The following MAST4 variants were observed in gnomAD, a reference collection of about 807,000 sequenced individuals.
MAST4 encodes the protein microtubule-associated serine/threonine-protein kinase 4.
A neutral mutation model predicts 162.7 loss-of-function variants in MAST4; 89 were observed. The observed-to-expected ratio is 0.55, with a 90% confidence interval of 0.46 to 0.65. The LOEUF is 0.65. Among genes scored for constraint, MAST4 ranks in the 30% least tolerant of loss-of-function variants. MAST4 has a pLI of 0.00. For synonymous variants in MAST4, 1,479 were observed against 1,361.1 expected (o/e 1.09, Z -1.91); for missense variants, 3,153 against 3,374.0 (o/e 0.93, Z 1.62).
chr5:67,024,227 C>G (rs1322119950), intron 4 of MAST4, among the ~76,000 whole-genome samples: 2 of 151,204 alleles, frequency 1.3e-5, no homozygotes, highest in African/African-American at 4.9e-5. Flanking sequence ...TGTAGAATGT[C>G]TTGGAATTTT....
Position 66,759,764 on chromosome 5 carries a change from A to G in MAST4, c.419A>G (p.Asp140Gly). Reference protein sequence around the residue: ...PMPFRKCSNPDVASGPGKSLK... With the variant: ...PMPFRKCSNPGVASGPGKSLK... ...CCGTTTCGGAAATGCAGCAACCCAG[A>G]TGTGGCTTCTGGCCCTGGAAAATCA... Residue 140 changes from aspartate (D) to glycine (G), a missense_variant, in exon 2 of 29, where the codon GAT (aspartate) becomes GGT (glycine). By Grantham distance (94) the Asp-to-Gly change is moderately conservative. Coordinates refer to ENST00000403625, the MANE Select transcript of MAST4 (RefSeq NM_001164664.2). 3 of 1,613,982 alleles carry G rather than the reference A, an allele frequency of 1.9e-6. No individual in the cohort carries two copies. Among genetic ancestry groups the G allele is most frequent in the Non-Finnish European group, 2.5e-6 (3 of 1,179,888 alleles).
intron 14 of MAST4, among the ~76,000 whole-genome samples, chr5:67,128,686 A>T (rs1207150250): frequency 1.3e-5 from 2 of 152,192 alleles, no homozygotes; most frequent in Non-Finnish European, 2.9e-5. Context: ...TATTTCAGTG[A>T]ATCACCCTGA....
intron 1 of MAST4, among the ~76,000 whole-genome samples, chr5:66,658,088 C>T (rs4364347): frequency 0.5 from 75,971 of 151,990 alleles, 19,378 homozygotes; most frequent in South Asian, 0.66. Context: ...CTGGTGCTGC[C>T]ACTTCAGGAC....
intron 4 of MAST4, chr5:66,917,371 G>A (rs112945129): frequency 5.1e-6 from 1 of 195,290 alleles, no homozygotes; most frequent in Non-Finnish European, 1.0e-5. Flanking sequence ...TGTCTTTGCA[G>A]TTTTTATCTG....
chr5:66,598,929 C>T lies in MAST4; in HGVS notation c.363+1911C>T, dbSNP rs552535098. 1.1e-4 allele frequency among the ~76,000 whole-genome samples: 16 copies of T among 152,280 alleles called. 1 individual carries two copies. The highest frequency in any genetic ancestry group is 9.8e-4 in the Admixed American group (15 of 15,304). On this transcript the variant is annotated intron_variant, in intron 1 of 28. Coordinates refer to ENST00000403625, the MANE Select transcript of MAST4 (RefSeq NM_001164664.2). ...ATGATAACTTATTTCACAGGCAATG[C>T]AGTGAGAACTGGTTGATTGAAACAC...
At chr5:66,718,164 G>GT (rs141339021) in intron 1 of MAST4, among the ~76,000 whole-genome samples, 10 of 147,236 alleles carry the variant, frequency 6.8e-5, no homozygotes, top group African/African-American at 7.6e-5. Context: ...AAACCAGTGG[G>GT]TTTTTTTTTC....
chr5:66,690,229 T>C (rs1748951890), intron 1 of MAST4, among the ~76,000 whole-genome samples: 2 of 152,160 alleles, frequency 1.3e-5, no homozygotes, highest in Non-Finnish European at 1.5e-5. Context: ...AATTGTTAAT[T>C]TGAGGGTCAA....
rs368650313 is a variant in MAST4, at chr5:67,165,705, C to G, written c.6526C>G (p.Pro2176Ala). 22 of 1,578,050 alleles carry G rather than the reference C, an allele frequency of 1.4e-5. No individual in the cohort carries two copies. The highest frequency in any genetic ancestry group is 1.8e-5 in the Non-Finnish European group (21 of 1,163,126). Residue 2176 changes from proline (P) to alanine (A), a missense_variant, in exon 29 of 29, where the codon CCC becomes GCC. Pro to Ala is a conservative substitution (Grantham distance 27). This residue lies in a region of MAST4 where 1,644 missense variants were observed against 1,495.0 expected (regional missense o/e 1.10). Transcript: ENST00000403625. ...KPSTAEPSSS[P>A]QDPPKPVAAH... ...CAGCACTGCAGAGCCCAGCTCGAGC[C>G]CCCAGGACCCTCCCAAGCCTGTTGC...
In MAST4 at chr5:67,165,344, CAG is replaced by C; in HGVS notation, c.6169_6170del (p.Asp2057GlnfsTer12). The C allele has an allele frequency of 4.3e-6, 7 of 1,613,720 alleles. No individual in the cohort carries two copies. The highest frequency in any genetic ancestry group is 5.9e-6 in the Non-Finnish European group (7 of 1,179,898). On this transcript the variant is annotated frameshift_variant, in exon 29 of 29. Coordinates refer to ENST00000403625, the MANE Select transcript of MAST4 (RefSeq NM_001164664.2). LOFTEE classifies it low-confidence loss of function (END_TRUNC). The part of the protein sequence containing the change: ...DGPGEARPPP[R>X]DNSSLHSAGI... ...GCCCAGGTGAGGCGAGGCCCCCGCC[CAG>C]AGACAACTCCTCTCTGCACTCAGCT...
At chr5:67,071,638 T>C (rs1761008789) in intron 5 of MAST4, among the ~76,000 whole-genome samples, 1 of 152,186 alleles carries the variant, frequency 6.6e-6, no homozygotes, top group African/African-American at 2.4e-5. Flanking sequence ...CATACACCTG[T>C]AGTCCCAGCT....
chr5:66,934,711 T>C (rs1742538340), intron 4 of MAST4, among the ~76,000 whole-genome samples: 1 of 152,138 alleles, frequency 6.6e-6, no homozygotes, highest in African/African-American at 2.4e-5. Flanking sequence ...TGGCTTTGGC[T>C]GTCTCTTTTT....
intron 1 of MAST4, among the ~76,000 whole-genome samples, chr5:66,710,308 T>A (rs1750413239): frequency 6.6e-6 from 1 of 152,250 alleles, no homozygotes; most frequent in African/African-American, 2.4e-5. Flanking sequence ...AGTGTCTGTT[T>A]TATAATATAT....
At chr5:66,903,939 T>C (rs1561430758) in intron 4 of MAST4, among the ~76,000 whole-genome samples, 1 of 152,222 alleles carries the variant, frequency 6.6e-6, no homozygotes, top group Non-Finnish European at 1.5e-5. Flanking sequence ...CAAGTGGTGA[T>C]GCCATGGCTG....
At chr5:67,162,972 T>TG (rs989906208) in intron 28 of MAST4, among the ~76,000 whole-genome samples, 175 bp from the exon 29 acceptor site, 5 of 152,182 alleles carry the variant, frequency 3.3e-5, no homozygotes, top group African/African-American at 1.2e-4. Flanking sequence ...TCAAGAAGTA[T>TG]GGGGCTAAAC....
chr5:66,845,092 TATATATATATA>T (rs1758728326), intron 3 of MAST4, among the ~76,000 whole-genome samples: 2 of 66,130 alleles, frequency 3.0e-5, no homozygotes, highest in Admixed American at 1.5e-4. Flanking sequence ...TCTTTATATA[TATATATATATA>T]TATATATATA....
intron 4 of MAST4, among the ~76,000 whole-genome samples, chr5:66,923,096 A>G (rs1421170377): frequency 2.6e-5 from 4 of 152,238 alleles, no homozygotes; most frequent in Admixed American, 2.0e-4. Flanking sequence ...AGCCTGAACA[A>G]TAAAATCTGA....
At chr5:66,815,542 G>A (rs973051339) in intron 3 of MAST4, among the ~76,000 whole-genome samples, 7 of 152,180 alleles carry the variant, frequency 4.6e-5, no homozygotes, top group African/African-American at 1.7e-4. Flanking sequence ...CATTCACCAG[G>A]CATCCTGGAA....
At chr5:66,788,607 C>CCCAACAAAAAAAAAAAAAAA in intron 2 of MAST4, 63 bp from the exon 3 acceptor site, 5 of 1,373,724 alleles carry the variant, frequency 3.6e-6, no homozygotes, top group Non-Finnish European at 5.1e-6. Flanking sequence ...CCCCCACCCC[C>CCCAACAAAAAAAAAAAAAAA]ATTGCAATAA....
chr5:67,043,219 A>C (rs923686451), intron 4 of MAST4, among the ~76,000 whole-genome samples: 1 of 152,188 alleles, frequency 6.6e-6, no homozygotes, highest in Non-Finnish European at 1.5e-5. Flanking sequence ...ATATTCACCA[A>C]ATTAAATAGT....
Sources: allele counts gnomAD v4.1 joint callset (sites outside exome capture counted in the v4.1 genomes callset), GRCh38; gene constraint gnomAD v4.1.1; regional missense constraint gnomAD v4.1.1; transcripts MANE v1.5; gene names NCBI Gene and HGNC (gene_info 2026-07-23, HGNC 2026-07-21).